Variants in MAN1A1 observed in about 807,000 individuals in gnomAD.
MAN1A1 encodes mannosidase alpha class 1A member 1.
In MAN1A1, 29 loss-of-function variants were observed where a neutral mutation model predicts 70.8. The ratio of observed to expected loss-of-function variants is 0.41; its 90% confidence interval spans 0.31 to 0.56. The LOEUF is 0.56. MAN1A1 is among the 20% of genes least tolerant of loss of function. MAN1A1 has a pLI of 0.29. For missense variants in MAN1A1, 747 were observed against 841.3 expected (o/e 0.89, Z 1.39); for synonymous variants, 349 against 330.1 (o/e 1.06, Z -0.62).
intron 4 of MAN1A1, among the ~76,000 whole-genome samples, chr6:119,298,114 C>A (rs1772272532): frequency 6.6e-6 from 1 of 152,106 alleles, no homozygotes. Flanking sequence ...GAGTGACTAA[C>A]CAAGAATCAG....
At chr6:119,222,895 C>A (rs1774403811) in intron 6 of MAN1A1, among the ~76,000 whole-genome samples, 1 of 152,096 alleles carries the variant, frequency 6.6e-6, no homozygotes, top group South Asian at 2.1e-4. Context: ...CACTGGGATT[C>A]CATTTGGTAC....
intron 2 of MAN1A1, among the ~76,000 whole-genome samples, chr6:119,337,848 AAT>A (rs1773499563): frequency 6.6e-6 from 1 of 152,246 alleles, no homozygotes; most frequent in South Asian, 2.1e-4. Flanking sequence ...CAAAATGCTT[AAT>A]ATGAGTGAAT....
intron 6 of MAN1A1, among the ~76,000 whole-genome samples, chr6:119,247,134 T>C (rs1426224292): frequency 6.6e-6 from 1 of 152,218 alleles, no homozygotes; most frequent in African/African-American, 2.4e-5. Context: ...ATGATTAATA[T>C]TTGGACAGAA....
chr6:119,286,440 G>C (rs1489418661), intron 5 of MAN1A1, among the ~76,000 whole-genome samples: 1 of 151,926 alleles, frequency 6.6e-6, no homozygotes, highest in Non-Finnish European at 1.5e-5. Flanking sequence ...TTTCCTCCTT[G>C]TTAGTCTTAA....
chr6:119,256,662 C>T (rs1245249484), intron 5 of MAN1A1, among the ~76,000 whole-genome samples: 1 of 152,068 alleles, frequency 6.6e-6, no homozygotes, highest in African/African-American at 2.4e-5. Flanking sequence ...AACTAAGAGT[C>T]AGGAGCCCTA....
chr6:119,316,682 CA>C (rs1772863461), intron 2 of MAN1A1, among the ~76,000 whole-genome samples: 1 of 152,034 alleles, frequency 6.6e-6, no homozygotes, highest in African/African-American at 2.4e-5. Flanking sequence ...ATTTTTGCAG[CA>C]GTGACAAAAT....
At chr6:119,232,531 G>A (rs1235411504) in intron 6 of MAN1A1, among the ~76,000 whole-genome samples, 3 of 151,952 alleles carry the variant, frequency 2.0e-5, no homozygotes, top group East Asian at 3.8e-4. Context: ...CCTGAGTATT[G>A]GGAAGTTTAA....
intron 5 of MAN1A1, among the ~76,000 whole-genome samples, chr6:119,289,453 GT>G (rs902067943): frequency 6.9e-6 from 1 of 144,890 alleles, no homozygotes; most frequent in African/African-American, 2.8e-5. Context: ...GGGTTTTAGG[GT>G]TTTTTGGTTT....
At chr6:119,184,939 C>T (rs760785) in intron 11 of MAN1A1, among the ~76,000 whole-genome samples, 59,909 of 151,800 alleles carry the variant, frequency 0.39, 12,133 homozygotes, top group South Asian at 0.56. Flanking sequence ...CTCAGGCTGG[C>T]GTGCAGCGGT....
intron 5 of MAN1A1, among the ~76,000 whole-genome samples, chr6:119,280,619 TCTTATATAC>T (rs1776204205): frequency 1.3e-5 from 2 of 152,214 alleles, no homozygotes; most frequent in Non-Finnish European, 2.9e-5. Context: ...GCTACAGCTA[TCTTATATAC>T]CCTTCTAAAG....
chr6:119,182,928 A>T (rs930209762), intron 11 of MAN1A1, among the ~76,000 whole-genome samples: 4 of 152,130 alleles, frequency 2.6e-5, no homozygotes, highest in Non-Finnish European at 5.9e-5. Context: ...GAAGATGGAA[A>T]GCATAGACTT....
At chr6:119,267,762 T>C (rs1179861956) in intron 5 of MAN1A1, among the ~76,000 whole-genome samples, 1 of 152,216 alleles carries the variant, frequency 6.6e-6, no homozygotes, top group Non-Finnish European at 1.5e-5. Context: ...CAAATCTACA[T>C]CATTAGACAC....
intron 6 of MAN1A1, among the ~76,000 whole-genome samples, chr6:119,210,090 C>T (rs1412847684): frequency 2.0e-5 from 3 of 152,140 alleles, no homozygotes; most frequent in Non-Finnish European, 2.9e-5. Context: ...ACTCTTGACT[C>T]GCAGTACTGC....
intron 7 of MAN1A1, among the ~76,000 whole-genome samples, chr6:119,203,885 C>G (rs897670079): frequency 6.6e-5 from 10 of 151,876 alleles, no homozygotes; most frequent in African/African-American, 2.4e-4. Context: ...AACTTGGAGT[C>G]TAGAGTATAG....
At chr6:119,346,157 A>ATC (rs1055743056) in intron 2 of MAN1A1, among the ~76,000 whole-genome samples, 1 of 152,176 alleles carries the variant, frequency 6.6e-6, no homozygotes, top group African/African-American at 2.4e-5. Context: ...TAAGGCAAAG[A>ATC]TCTACTGGTT....
chr6:119,259,193 T>G (rs1228650489), intron 5 of MAN1A1, among the ~76,000 whole-genome samples: 1 of 152,204 alleles, frequency 6.6e-6, no homozygotes, highest in Non-Finnish European at 1.5e-5. Flanking sequence ...TTCTCACTGT[T>G]GTATTCATTC....
In MAN1A1 at chr6:119,348,513, G is replaced by A. The variant is rs1773801377; in HGVS notation, c.553C>T (p.Arg185Trp). The A allele has an allele frequency of 1.9e-6, 3 of 1,610,928 alleles. No individual in the cohort carries two copies. The highest frequency in any genetic ancestry group is 1.1e-5 in the South Asian group (1 of 90,692). The change falls in exon 2 of 13, where the codon CGG becomes TGG. Residue 185 changes from arginine to tryptophan, a missense_variant. Arg to Trp is a moderately radical substitution (Grantham distance 101). Around this residue, in one of 2 missense-constraint regions of MAN1A1, gnomAD observed 328 missense variants for 293.1 expected, o/e 1.12. Transcript: ENST00000368468. ...DFVPPIGVES[R>W]EPADAAIREK... ...CGGATGGCGGCGTCGGCGGGCTCCC[G>A]GCTCTCCACCCCGATTGGGGGCACG...
intron 6 of MAN1A1, among the ~76,000 whole-genome samples, chr6:119,225,282 G>A (rs186921652): frequency 1.3e-4 from 20 of 152,242 alleles, no homozygotes; most frequent in African/African-American, 4.8e-4. Flanking sequence ...CACACCTGTA[G>A]TCTCAGCTAC....
chr6:119,329,793 T>C (rs999317785), intron 2 of MAN1A1, among the ~76,000 whole-genome samples: 4 of 152,282 alleles, frequency 2.6e-5, no homozygotes, highest in African/African-American at 4.8e-5. Context: ...CTTGAAAGAA[T>C]AGTCTGTGCC....
Sources: gnomAD v4.1 joint callset for allele counts (sites outside exome capture counted in the v4.1 genomes callset) on GRCh38, gnomAD v4.1.1 for gene constraint, gnomAD v4.1.1 regional missense constraint, MANE v1.5 for transcripts, NCBI Gene and HGNC (gene_info 2026-07-23, HGNC 2026-07-21) for gene names.